Variants in DENND4C observed in about 807,000 individuals in gnomAD.
DENND4C encodes DENN domain containing 4C, also known as DENN domain-containing protein 4C.
Under a neutral mutation model 203.0 loss-of-function variants are expected in DENND4C, and 108 were observed. The ratio of observed to expected loss-of-function variants is 0.53; its 90% confidence interval spans 0.46 to 0.62. The LOEUF (loss-of-function observed/expected upper bound fraction) is 0.62. Among genes scored for constraint, DENND4C ranks in the 20% least tolerant of loss-of-function variants. DENND4C has a pLI of 0.00. For missense variants in DENND4C, 2,481 were observed against 2,301.2 expected (o/e 1.08, Z -1.60); for synonymous variants, 871 against 792.4 (o/e 1.10, Z -1.67).
At position 19,357,080 on chromosome 9, in the gene DENND4C, C is replaced by G. The variant is rs1442134228; in HGVS notation, c.4890C>G (p.Asp1630Glu). ...HKPVSSLAEP[D>E]LINFMDFPKH... ...CTGTATCCAGTTTAGCAGAACCTGA[C>G]TTGATCAACTTTATGGACTTCCCAA... Residue 1630 changes from aspartate to glutamate, a missense_variant, in exon 27 of 33, where the codon GAC becomes GAG. By Grantham distance (45) the Asp-to-Glu change is conservative. This residue lies in a region of DENND4C where 2,289 missense variants were observed against 2,113.3 expected (regional missense o/e 1.08). Coordinates refer to ENST00000434457, the MANE Select transcript of DENND4C (RefSeq NM_001330640.2). 1.2e-6 allele frequency: 2 copies of G among 1,613,956 alleles called. No homozygotes were observed. Among genetic ancestry groups the G allele is most frequent in the African/African-American group, 2.7e-5 (2 of 75,034 alleles).
intron 5 of DENND4C, among the ~76,000 whole-genome samples, chr9:19,292,038 T>C (rs1836431638): frequency 6.6e-6 from 1 of 152,144 alleles, no homozygotes; most frequent in South Asian, 2.1e-4. Flanking sequence ...CCTCTTTTTT[T>C]TTTGAGACGG....
At chr9:19,332,560 T>C (rs1179964385) in intron 17 of DENND4C, among the ~76,000 whole-genome samples, 2 of 149,142 alleles carry the variant, frequency 1.3e-5, no homozygotes, top group Non-Finnish European at 3.0e-5. Context: ...AGATGGGGTC[T>C]CACCGTGTTG....
chr9:19,332,252 T>A, intron 17 of DENND4C, 68 bp downstream of exon 17: 1 of 1,430,306 alleles, frequency 7.0e-7, no homozygotes, highest in East Asian at 2.3e-5. Flanking sequence ...AAAATTTGGG[T>A]GTAAGTTGCT....
intron 16 of DENND4C, 71 bp downstream of exon 16, chr9:19,328,233 GT>G: frequency 7.3e-7 from 1 of 1,369,186 alleles, no homozygotes; most frequent in Non-Finnish European, 9.8e-7. Flanking sequence ...GCAGCTCATA[GT>G]TTAGAATGAT....
chr9:19,340,244 C>G (rs1821310757), intron 20 of DENND4C, among the ~76,000 whole-genome samples: 1 of 152,116 alleles, frequency 6.6e-6, no homozygotes, highest in African/African-American at 2.4e-5. Flanking sequence ...AAAATAATTT[C>G]AGAATTGTCA....
chr9:19,346,831 T>A lies in DENND4C; in HGVS notation c.4062T>A (p.Thr1354=). 6.2e-7 allele frequency: 1 copy of A among 1,614,188 alleles called. No individual in the cohort carries two copies. The highest frequency in any genetic ancestry group is 8.5e-7 in the Non-Finnish European group (1 of 1,180,016). The change falls in exon 23 of 33, where the codon ACT becomes ACA. Residue 1354 remains threonine, a synonymous_variant. Transcript: ENST00000434457. ...CACCTGCAGTGTCCAGGTCTAAAAC[T>A]TTTACTGGGCGTTTCAAGCAGCAAA... The part of the protein sequence containing the change: ...KSSPAVSRSK[T]FTGRFKQQTP...
Position 19,361,843 on chromosome 9 carries a change from T to A in DENND4C, c.5407-3T>A, listed in dbSNP as rs1465976801. ...ACTAATACTTTCTTTTGATTTCTTT[T>A]AGCTTCCTCTGTCATCTCTGTCCCA... On this transcript the variant is annotated splice_region_variant and splice_polypyrimidine_tract_variant and intron_variant, in intron 29 of 32. Coordinates refer to ENST00000434457, the MANE Select transcript of DENND4C (RefSeq NM_001330640.2). The A allele has an allele frequency of 5.2e-6, 8 of 1,549,414 alleles. No homozygotes were observed. The highest frequency in any genetic ancestry group is 7.1e-6 in the Non-Finnish European group (8 of 1,121,582).
intron 1 of DENND4C, among the ~76,000 whole-genome samples, chr9:19,245,315 A>G (rs1588725501): frequency 2.0e-5 from 3 of 151,926 alleles, no homozygotes; most frequent in East Asian, 2.0e-4. Flanking sequence ...AAAAACACAA[A>G]AATTAGCTGG....
In DENND4C at chr9:19,324,368, T is replaced by C. The variant is rs767444582; in HGVS notation, c.1814T>C (p.Leu605Ser). 7 of 1,582,734 alleles carry C rather than the reference T, an allele frequency of 4.4e-6. No homozygotes were observed. The Admixed American group carries it at 6.1e-5, about 14-fold the overall frequency. Residue 605 changes from leucine (L) to serine (S), a missense_variant, in exon 13 of 33, where the codon TTA becomes TCA. Physicochemically the swap from Leu to Ser is moderately radical, Grantham distance 145 (BLOSUM62 -2). This residue lies in a region of DENND4C where 2,289 missense variants were observed against 2,113.3 expected (regional missense o/e 1.08). Coordinates refer to ENST00000434457, the MANE Select transcript of DENND4C (RefSeq NM_001330640.2). The part of the protein sequence containing the change: ...ADSLFDRQGF[L>S]KSRDRAYAKF... ...TATATTTTGTTTTCCTCAGGATTTTTAAAAAGTCGAGATCGTGCCTATGCA... is the reference window on the plus strand; with the variant it reads ...TATATTTTGTTTTCCTCAGGATTTTCAAAAAGTCGAGATCGTGCCTATGCA...
intron 30 of DENND4C, 107 bp downstream of exon 30, chr9:19,362,070 T>G (rs1211484643): frequency 1.6e-6 from 1 of 607,728 alleles, no homozygotes; most frequent in African/African-American, 1.9e-5. Flanking sequence ...GGTCAGGAGT[T>G]GGAGACCAGG....
At position 19,360,232 on chromosome 9, in the gene DENND4C, AT is replaced by A. The variant is rs762262701; in HGVS notation, c.5161-4del. On this transcript the variant is annotated splice_polypyrimidine_tract_variant and intron_variant, in intron 28 of 32. Transcript: ENST00000434457. Reference sequence around the variant, plus strand: ...ACAGATAATATTAATTTCTTTTTGTATTTTTTTTAAGGATCCTTTAGGAAAA... The same window carrying A: ...ACAGATAATATTAATTTCTTTTTGTATTTTTTTAAGGATCCTTTAGGAAAA... The A allele has an allele frequency of 8.1e-6, 13 of 1,606,670 alleles. No individual in the cohort carries two copies. Among genetic ancestry groups the A allele is most frequent in the East Asian group, 4.5e-5 (2 of 44,814 alleles).
At chr9:19,272,965 T>G (rs1832060514) in intron 1 of DENND4C, among the ~76,000 whole-genome samples, 2 of 146,726 alleles carry the variant, frequency 1.4e-5, no homozygotes, top group Admixed American at 6.8e-5. Flanking sequence ...TTTTTTTTTT[T>G]TGAGATGGAG....
chr9:19,289,593 G>C (rs562107414), intron 4 of DENND4C, among the ~76,000 whole-genome samples: 1 of 152,232 alleles, frequency 6.6e-6, no homozygotes, highest in African/African-American at 2.4e-5. Flanking sequence ...CTTTGGGAGA[G>C]TGAGGCGGGC....
At chr9:19,336,568 T>A in intron 19 of DENND4C, 118 bp from the exon 20 acceptor site, 1 of 1,435,950 alleles carries the variant, frequency 7.0e-7, no homozygotes, top group Non-Finnish European at 9.2e-7. Flanking sequence ...TTATTTTTGT[T>A]TTTTTCCAGA....
At chr9:19,250,308 G>C (rs1053748507) in intron 1 of DENND4C, among the ~76,000 whole-genome samples, 1 of 152,156 alleles carries the variant, frequency 6.6e-6, no homozygotes, top group Non-Finnish European at 1.5e-5. Flanking sequence ...GCTGGGCATA[G>C]TGGCGTGCAC....
At chr9:19,367,523 G>A (rs973330817) in intron 30 of DENND4C, among the ~76,000 whole-genome samples, 1 of 152,250 alleles carries the variant, frequency 6.6e-6, no homozygotes, top group Non-Finnish European at 1.5e-5. Context: ...ATCACTTGAG[G>A]TCAGGAGTTC....
chr9:19,354,938 C>G (rs995720725), intron 26 of DENND4C, among the ~76,000 whole-genome samples: 5 of 139,888 alleles, frequency 3.6e-5, no homozygotes, highest in Non-Finnish European at 7.7e-5. Context: ...GAGATGGAGT[C>G]TTGCTCTGTC....
At chr9:19,322,043 G>A (rs1842969948) in intron 12 of DENND4C, among the ~76,000 whole-genome samples, 1 of 152,144 alleles carries the variant, frequency 6.6e-6, no homozygotes, top group Admixed American at 6.5e-5. Flanking sequence ...TCTATTTAAT[G>A]ATCTGCATTT....
At position 19,352,516 on chromosome 9, in the gene DENND4C, T is replaced by A; in HGVS notation, c.4632T>A (p.Cys1544Ter). Residue 1544 changes from cysteine (C) to a stop codon, truncating the protein, a stop_gained, in exon 26 of 33, where the codon TGT (cysteine) becomes TGA (stop). Transcript: ENST00000434457. LOFTEE classifies it high-confidence loss of function. ...MEVLMSSCSQCRACGALVYDE... is the reference protein window; with the variant it reads ...MEVLMSSCSQ The stretch of plus-strand genomic sequence containing the variant: ...TTTTGATGTCCAGTTGTTCACAGTG[T>A]AGAGCTTGTGGAGCTTTAGTTTATG... 6.2e-7 allele frequency: 1 copy of A among 1,612,976 alleles called. No individual in the cohort carries two copies. The highest frequency in any genetic ancestry group is 1.1e-5 in the South Asian group (1 of 90,860).
Sources: allele counts gnomAD v4.1 joint callset (sites outside exome capture counted in the v4.1 genomes callset), GRCh38; gene constraint gnomAD v4.1.1; regional missense constraint gnomAD v4.1.1; transcripts MANE v1.5; gene names NCBI Gene and HGNC (gene_info 2026-07-23, HGNC 2026-07-21).